Variants in CEP126 observed in about 807,000 individuals in gnomAD.
CEP126 encodes the protein centrosomal protein of 126 kDa.
In CEP126, 74 loss-of-function variants were observed where a neutral mutation model predicts 107.8. The observed-to-expected ratio is 0.69, with a 90% CI of 0.57 to 0.83. The LOEUF is 0.83. Among genes scored for constraint, CEP126 ranks in the 40% least tolerant of loss-of-function variants. The pLI is 0.00. For synonymous variants in CEP126, 449 were observed against 446.0 expected (o/e 1.01, Z -0.08); for missense variants, 1,237 against 1,281.9 (o/e 0.96, Z 0.53).
At chr11:101,921,240 A>G (rs973703581) in intron 1 of CEP126, among the ~76,000 whole-genome samples, 1 of 152,184 alleles carries the variant, frequency 6.6e-6, no homozygotes, top group African/African-American at 2.4e-5. Flanking sequence ...TAACCATTCT[A>G]GTTATATTGC....
intron 2 of CEP126, among the ~76,000 whole-genome samples, chr11:101,933,814 A>ACCCCCC (rs150633052): frequency 1.6e-5 from 2 of 122,782 alleles, no homozygotes; most frequent in Non-Finnish European, 3.5e-5. Context: ...CACCCCCGAG[A>ACCCCCC]CCCCCCCCCC....
chr11:101,968,981 A>G (rs1445493181), intron 6 of CEP126, among the ~76,000 whole-genome samples: 1 of 152,156 alleles, frequency 6.6e-6, no homozygotes, highest in Admixed American at 6.6e-5. Flanking sequence ...TGGAAAATTT[A>G]ACACAGATTT....
chr11:101,930,222 G>A (rs1166041828), intron 2 of CEP126, among the ~76,000 whole-genome samples: 1 of 151,528 alleles, frequency 6.6e-6, no homozygotes, highest in Non-Finnish European at 1.5e-5. Context: ...AGACCCCCAG[G>A]GATACCAAAA....
rs1309040860 is a variant in CEP126, at chr11:101,915,096, TGCCATC to T, written c.-185_-180del. On this transcript the variant is annotated 5_prime_UTR_variant, in exon 1 of 11. Coordinates refer to ENST00000263468, the MANE Select transcript of CEP126 (RefSeq NM_020802.4). ...CCGGCGAGGTCGCCGCTGCCTCAGCTGCCATCGCCGCTACAGGCACCAGTGCCGCTG... is the reference window on the plus strand; with the variant it reads ...CCGGCGAGGTCGCCGCTGCCTCAGCTGCCGCTACAGGCACCAGTGCCGCTG... 1 of 785,404 alleles carries T rather than the reference TGCCATC, an allele frequency of 1.3e-6. No individual in the cohort carries two copies. Among genetic ancestry groups the T allele is most frequent in the Non-Finnish European group, 1.9e-6 (1 of 528,196 alleles). 48.7% of individuals were successfully genotyped at this position (785,404 alleles called of 1,614,324 possible). A position where few individuals can be genotyped will look rare whatever the true frequency, so the allele number is the denominator to read the frequency against.
At chr11:101,987,223 G>T (rs1011739985) in intron 9 of CEP126, among the ~76,000 whole-genome samples, 182 bp downstream of exon 9, 1 of 152,150 alleles carries the variant, frequency 6.6e-6, no homozygotes. Flanking sequence ...TATCATTTAT[G>T]ATGATGTCAA....
Position 101,998,436 on chromosome 11 carries a change from A to T in CEP126, c.*793A>T, listed in dbSNP as rs2137141558. 1 of 152,022 alleles carries T rather than the reference A, an allele frequency of 6.6e-6. No homozygotes were observed. Among genetic ancestry groups the T allele is most frequent in the African/African-American group, 2.4e-5 (1 of 41,432 alleles). The allele number at this position is 152,022 out of a possible 1,614,324, so 9.4% of individuals were successfully genotyped here. A position where few individuals can be genotyped will look rare whatever the true frequency, so the allele number is the denominator to read the frequency against. On this transcript the variant is annotated 3_prime_UTR_variant, in exon 11 of 11. Transcript: ENST00000263468. ...CAAAAAATACAAAAATTAACCAGGC[A>T]TGGTGGCATGCACCTGTAGTCCCAG...
intron 3 of CEP126, among the ~76,000 whole-genome samples, chr11:101,947,818 A>G (rs1156345841): frequency 3.9e-5 from 6 of 152,138 alleles, no homozygotes; most frequent in Non-Finnish European, 8.8e-5. Flanking sequence ...TTCCTGATAA[A>G]TATTCTTAAA....
At chr11:101,993,608 A>T (rs1265407296) in intron 10 of CEP126, among the ~76,000 whole-genome samples, 1 of 152,120 alleles carries the variant, frequency 6.6e-6, no homozygotes, top group Non-Finnish European at 1.5e-5. Context: ...CTTCTGTTTT[A>T]AGTTCTTTAA....
intron 8 of CEP126, 48 bp from the exon 9 acceptor site, chr11:101,986,784 C>G (rs1050707937): frequency 5.6e-6 from 8 of 1,429,098 alleles, no homozygotes; most frequent in African/African-American, 2.8e-5. Flanking sequence ...AAGGGCTGAT[C>G]TCAAAGACAA....
intron 1 of CEP126, among the ~76,000 whole-genome samples, chr11:101,917,804 G>T (rs902979510): frequency 6.6e-6 from 1 of 151,962 alleles, no homozygotes; most frequent in African/African-American, 2.4e-5. Flanking sequence ...CAATCATTCT[G>T]CCTCAGCCAC....
chr11:101,933,823 C>CG (rs1260551823), intron 2 of CEP126, among the ~76,000 whole-genome samples: 1 of 149,146 alleles, frequency 6.7e-6, no homozygotes, highest in Non-Finnish European at 1.5e-5. Context: ...GACCCCCCCC[C>CG]CACCAAAACA....
intron 10 of CEP126, among the ~76,000 whole-genome samples, chr11:101,995,632 T>C (rs371046057): frequency 1.4e-4 from 22 of 152,276 alleles, no homozygotes; most frequent in African/African-American, 5.3e-4. Flanking sequence ...GCCAGTGAAG[T>C]AGTCAGTCCA....
chr11:101,941,167 G>T (rs544263370), intron 2 of CEP126, among the ~76,000 whole-genome samples: 1 of 152,012 alleles, frequency 6.6e-6, no homozygotes, highest in Non-Finnish European at 1.5e-5. Context: ...CTATTTAATC[G>T]CTTTTGTTTT....
At chr11:101,925,246 A>G (rs1041991697) in intron 2 of CEP126, among the ~76,000 whole-genome samples, 2 of 152,148 alleles carry the variant, frequency 1.3e-5, no homozygotes, top group South Asian at 2.1e-4. Context: ...ACTTTCTAAT[A>G]TGCTTCTTTG....
At chr11:101,964,833 T>C (rs1941040814) in intron 6 of CEP126, among the ~76,000 whole-genome samples, 1 of 152,228 alleles carries the variant, frequency 6.6e-6, no homozygotes, top group African/African-American at 2.4e-5. Flanking sequence ...ATTACTATTG[T>C]AGTCAAATTT....
intron 5 of CEP126, among the ~76,000 whole-genome samples, chr11:101,959,563 C>T (rs187644725): frequency 3.9e-5 from 6 of 152,156 alleles, no homozygotes; most frequent in South Asian, 4.1e-4. Flanking sequence ...GAATATATGA[C>T]GCATAACCAG....
At chr11:101,947,951 A>G (rs1200243572) in intron 3 of CEP126, 80 bp from the exon 4 acceptor site, 2 of 553,412 alleles carry the variant, frequency 3.6e-6, no homozygotes, top group Non-Finnish European at 6.1e-6. Flanking sequence ...ATATTTTATC[A>G]TTAACCAATT....
intron 5 of CEP126, among the ~76,000 whole-genome samples, 158 bp downstream of exon 5, chr11:101,958,524 G>A (rs575120282): frequency 7.3e-5 from 11 of 150,958 alleles, no homozygotes; most frequent in African/African-American, 2.7e-4. Context: ...AGAAACTATA[G>A]AAATAATTTT....
intron 9 of CEP126, 107 bp downstream of exon 9, chr11:101,987,148 A>G (rs1941326184): frequency 2.7e-6 from 2 of 741,604 alleles, no homozygotes; most frequent in South Asian, 1.9e-5. Flanking sequence ...AAATATATCC[A>G]TATTACCAAC....
Sources: gnomAD v4.1 joint callset for allele counts (sites outside exome capture counted in the v4.1 genomes callset) on GRCh38, gnomAD v4.1.1 for gene constraint, MANE v1.5 for transcripts, NCBI Gene and HGNC (gene_info 2026-07-23, HGNC 2026-07-21) for gene names.